Variants in MEI4 observed in about 807,000 individuals in gnomAD.
MEI4 encodes the protein meiosis-specific protein MEI4.
Under a neutral mutation model 31.4 loss-of-function variants are expected in MEI4, and 27 were observed. The ratio of observed to expected loss-of-function variants is 0.86; its 90% CI spans 0.63 to 1.19. MEI4 has a LOEUF of 1.19. Among genes scored for constraint, MEI4 ranks in the 50% most tolerant of loss-of-function variants. MEI4 has a pLI of 0.00. For synonymous variants in MEI4, 122 were observed against 145.4 expected (o/e 0.84, Z 1.16); for missense variants, 329 against 398.9 (o/e 0.82, Z 1.49).
chr6:77,772,406 G>T (rs1028688294), intron 3 of MEI4, among the ~76,000 whole-genome samples: 18 of 151,972 alleles, frequency 1.2e-4, no homozygotes, highest in Admixed American at 9.8e-4. Flanking sequence ...TGCAAGGATG[G>T]TTCAGCATAC....
At chr6:77,826,493 A>G (rs1056954847) in intron 3 of MEI4, among the ~76,000 whole-genome samples, 6 of 152,282 alleles carry the variant, frequency 3.9e-5, no homozygotes, top group Admixed American at 1.3e-4. Flanking sequence ...ATCTTTATAT[A>G]CTACTCTGGC....
intron 4 of MEI4, among the ~76,000 whole-genome samples, chr6:77,910,535 C>T (rs892148988): frequency 6.6e-6 from 1 of 152,186 alleles, no homozygotes; most frequent in Non-Finnish European, 1.5e-5. Flanking sequence ...CTAGAAACAA[C>T]TGCTCAATGA....
chr6:77,712,141 GA>G (rs1766478372), intron 2 of MEI4, among the ~76,000 whole-genome samples: 2 of 152,148 alleles, frequency 1.3e-5, no homozygotes, highest in Admixed American at 1.3e-4. Context: ...TTTATTGCAT[GA>G]TTTACAAGTA....
chr6:77,883,743 TAA>T lies in MEI4; in HGVS notation c.901-39345_901-39344del, dbSNP rs56309725. 5.1e-4 allele frequency among the ~76,000 whole-genome samples: 67 copies of T among 131,710 alleles called. 1 individual carries two copies. Among genetic ancestry groups the T allele is most frequent in the East Asian group, 8.3e-4 (3 of 3,600 alleles). 86.4% of individuals were successfully genotyped at this position (131,710 alleles called of 152,430 possible). On this transcript the variant is annotated intron_variant, in intron 4 of 4. Transcript: ENST00000684080. ...ATATATATATATATATATATATATA[TAA>T]CTTTGTCTTTGTCTATTCATTTATT... is the stretch of plus-strand genomic sequence containing the variant.
intron 2 of MEI4, among the ~76,000 whole-genome samples, chr6:77,755,329 G>T (rs2048596): frequency 1.7e-4 from 26 of 152,068 alleles, no homozygotes; most frequent in Non-Finnish European, 1.5e-5. Context: ...AGGGTTAAGG[G>T]TTCAGCAAAA....
intron 2 of MEI4, among the ~76,000 whole-genome samples, chr6:77,755,843 T>C: frequency 6.7e-6 from 1 of 149,368 alleles, no homozygotes; most frequent in South Asian, 2.1e-4. Flanking sequence ...TGTGTGTGTG[T>C]GTGTGTGTGT....
intron 3 of MEI4, among the ~76,000 whole-genome samples, chr6:77,813,105 T>C: frequency 6.6e-6 from 1 of 152,136 alleles, no homozygotes; most frequent in East Asian, 1.9e-4. Context: ...TGAGTAAATA[T>C]ATCCTGGAGC....
At chr6:77,704,713 A>G (rs1424023027) in intron 2 of MEI4, among the ~76,000 whole-genome samples, 3 of 152,202 alleles carry the variant, frequency 2.0e-5, no homozygotes, top group Non-Finnish European at 4.4e-5. Flanking sequence ...AAAGTGAAAC[A>G]TATGTTCAGG....
chr6:77,829,667 A>G (rs970626346), intron 4 of MEI4, among the ~76,000 whole-genome samples: 2 of 152,142 alleles, frequency 1.3e-5, no homozygotes, highest in Non-Finnish European at 2.9e-5. Flanking sequence ...TAGAAGGAAC[A>G]TAAGTCATTC....
intron 2 of MEI4, among the ~76,000 whole-genome samples, chr6:77,730,329 C>T (rs1163016008): frequency 2.0e-5 from 3 of 152,090 alleles, no homozygotes; most frequent in African/African-American, 7.2e-5. Flanking sequence ...ATCACCATGA[C>T]TTTGACCTTA....
intron 4 of MEI4, among the ~76,000 whole-genome samples, chr6:77,909,791 T>C (rs1183669291): frequency 6.6e-6 from 1 of 152,024 alleles, no homozygotes; most frequent in African/African-American, 2.4e-5. Flanking sequence ...CTGATGAACA[T>C]CCATGCAAAA....
chr6:77,881,540 C>T (rs950936800), intron 4 of MEI4, among the ~76,000 whole-genome samples: 3 of 152,176 alleles, frequency 2.0e-5, no homozygotes, highest in Admixed American at 1.3e-4. Flanking sequence ...GTTGCATTTT[C>T]CACATGGTTA....
intron 1 of MEI4, among the ~76,000 whole-genome samples, chr6:77,668,627 G>T (rs540469596): frequency 6.6e-6 from 1 of 152,236 alleles, no homozygotes; most frequent in South Asian, 2.1e-4. Context: ...AAAAGTTTTG[G>T]AGTCAAACTA....
At chr6:77,796,928 T>A (rs563260472) in intron 3 of MEI4, among the ~76,000 whole-genome samples, 2 of 152,280 alleles carry the variant, frequency 1.3e-5, no homozygotes, top group East Asian at 3.9e-4. Context: ...CACTCCCTGT[T>A]TTGAAACTAT....
intron 2 of MEI4, among the ~76,000 whole-genome samples, chr6:77,738,561 A>C (rs1481689436): frequency 6.6e-6 from 1 of 152,156 alleles, no homozygotes; most frequent in Non-Finnish European, 1.5e-5. Flanking sequence ...ATACATGTGC[A>C]TGTGTCTTTA....
At chr6:77,670,063 A>G (rs1768710145) in intron 1 of MEI4, among the ~76,000 whole-genome samples, 1 of 152,160 alleles carries the variant, frequency 6.6e-6, no homozygotes, top group Non-Finnish European at 1.5e-5. Context: ...GGTAATTGGC[A>G]TTTAATACCT....
At chr6:77,895,639 C>A (rs1221938682) in intron 4 of MEI4, among the ~76,000 whole-genome samples, 1 of 152,072 alleles carries the variant, frequency 6.6e-6, no homozygotes, top group Admixed American at 6.6e-5. Context: ...TTATTTACTT[C>A]TTTATCTCCT....
At chr6:77,738,598 G>A (rs987516276) in intron 2 of MEI4, among the ~76,000 whole-genome samples, 1 of 150,686 alleles carries the variant, frequency 6.6e-6, no homozygotes, top group African/African-American at 2.5e-5. Flanking sequence ...AATCATTTGG[G>A]TGTATATTCA....
chr6:77,916,338 C>T (rs1225915914), intron 4 of MEI4, among the ~76,000 whole-genome samples: 3 of 151,786 alleles, frequency 2.0e-5, no homozygotes, highest in Admixed American at 2.0e-4. Flanking sequence ...TATCTTGTGT[C>T]CTTAGTTTGA....
Sources: allele counts gnomAD v4.1 joint callset (sites outside exome capture counted in the v4.1 genomes callset), GRCh38; gene constraint gnomAD v4.1.1; transcripts MANE v1.5; gene names NCBI Gene and HGNC (gene_info 2026-07-23, HGNC 2026-07-21).